The following BTNL8 variants were observed in gnomAD, a reference collection of about 807,000 sequenced individuals.
BTNL8 encodes butyrophilin like 8, also known as butyrophilin-like protein 8.
BTNL8 carries 22 observed loss-of-function variants against 36.1 expected under a neutral mutation model. The observed-to-expected ratio is 0.61, with a 90% CI of 0.44 to 0.87. The LOEUF is 0.87. Among genes scored for constraint, BTNL8 ranks in the 40% least tolerant of loss-of-function variants. The probability of loss-of-function intolerance (pLI) is 0.00; values close to 1 mark genes in which losing one functional copy is unlikely to be tolerated. For missense variants in BTNL8, 526 were observed against 616.9 expected (o/e 0.85, Z 1.56); for synonymous variants, 203 against 235.6 (o/e 0.86, Z 1.27).
chr5:180,933,764 G>A (rs1454011538), intron 3 of BTNL8, among the ~76,000 whole-genome samples: 1 of 151,956 alleles, frequency 6.6e-6, no homozygotes, highest in African/African-American at 2.4e-5. Flanking sequence ...CCAAAGAACA[G>A]AACAATAATA....
At chr5:180,937,073 C>T (rs1261378734) in intron 3 of BTNL8, among the ~76,000 whole-genome samples, 2 of 152,190 alleles carry the variant, frequency 1.3e-5, no homozygotes, top group East Asian at 3.8e-4. Flanking sequence ...ACGCAGCCCC[C>T]CAGGAGTCTC....
intron 3 of BTNL8, among the ~76,000 whole-genome samples, chr5:180,939,834 T>C (rs906268743): frequency 6.6e-6 from 1 of 152,238 alleles, no homozygotes; most frequent in Non-Finnish European, 1.5e-5. Context: ...ATACATTTTA[T>C]GTTAGGCCAC....
At position 180,943,657 on chromosome 5, in the gene BTNL8, T is replaced by C. The variant is rs569368149; in HGVS notation, c.674-3855T>C. ...CACCATTGGTGGGATTTTCAATTAG[T>C]GTGTTCATTATGGAAAACACTATGG... On this transcript the variant is annotated intron_variant, in intron 3 of 7. Transcript: ENST00000340184. 5.3e-5 allele frequency among the ~76,000 whole-genome samples: 8 copies of C among 152,334 alleles called. No homozygotes were observed. In the South Asian group the frequency reaches 1.7e-3, roughly 32 times the overall value.
intron 3 of BTNL8, among the ~76,000 whole-genome samples, chr5:180,916,586 A>T (rs1461463545): frequency 6.6e-6 from 1 of 152,168 alleles, no homozygotes; most frequent in Non-Finnish European, 1.5e-5. Flanking sequence ...AGATTAACCA[A>T]GAAAAAAAGA....
At chr5:180,911,269 A>T in intron 2 of BTNL8, 70 bp from the exon 3 acceptor site, 3 of 1,578,804 alleles carry the variant, frequency 1.9e-6, no homozygotes, top group Admixed American at 3.4e-5. Flanking sequence ...GACTGAATGC[A>T]CCTGACTCAG....
intron 3 of BTNL8, among the ~76,000 whole-genome samples, chr5:180,937,093 C>G (rs1486911503): frequency 6.6e-6 from 1 of 152,130 alleles, no homozygotes; most frequent in Non-Finnish European, 1.5e-5. Context: ...CAGGAACAGC[C>G]CATTTGGTGT....
chr5:180,925,291 T>C (rs181705856), intron 3 of BTNL8, among the ~76,000 whole-genome samples: 70 of 152,172 alleles, frequency 4.6e-4, no homozygotes, highest in Non-Finnish European at 9.1e-4. Context: ...AATATCCAGG[T>C]TCAGGAAGCT....
intron 3 of BTNL8, among the ~76,000 whole-genome samples, chr5:180,928,833 A>G (rs1401579133): frequency 6.6e-6 from 1 of 152,246 alleles, no homozygotes; most frequent in Non-Finnish European, 1.5e-5. Context: ...AGAGACCTAC[A>G]AAGAGACTTA....
intron 3 of BTNL8, among the ~76,000 whole-genome samples, chr5:180,922,534 G>T (rs185479869): frequency 7.1e-6 from 1 of 140,518 alleles, no homozygotes; most frequent in African/African-American, 2.9e-5. Flanking sequence ...ATCTGTAATC[G>T]TATTGAGCTG....
intron 4 of BTNL8, 151 bp downstream of exon 4, chr5:180,947,776 T>C (rs868291515): frequency 6.2e-7 from 1 of 1,608,504 alleles, no homozygotes; most frequent in Middle Eastern, 1.7e-4. Context: ...TTCTCTAGGG[T>C]ATTCTAACAT....
chr5:180,907,754 G>T (rs1238200274), intron 1 of BTNL8, among the ~76,000 whole-genome samples: 1 of 152,036 alleles, frequency 6.6e-6, no homozygotes, highest in Non-Finnish European at 1.5e-5. Flanking sequence ...ACCCTCAGCT[G>T]CAGGTCTGTT....
chr5:180,921,749 C>A (rs112307585), intron 3 of BTNL8, among the ~76,000 whole-genome samples: 1 of 151,208 alleles, frequency 6.6e-6, no homozygotes, highest in African/African-American at 2.4e-5. Flanking sequence ...GAGGAAACTA[C>A]GGGAGATGAT....
At chr5:180,929,772 C>A (rs1294506961) in intron 3 of BTNL8, among the ~76,000 whole-genome samples, 7 of 152,124 alleles carry the variant, frequency 4.6e-5, no homozygotes, top group Non-Finnish European at 1.0e-4. Context: ...AGGAAGAAGT[C>A]AAATCCCTGA....
intron 3 of BTNL8, among the ~76,000 whole-genome samples, chr5:180,939,620 C>G (rs1192401098): frequency 1.3e-5 from 2 of 152,112 alleles, no homozygotes; most frequent in African/African-American, 4.8e-5. Context: ...TAATGTCTAG[C>G]TGAACTGTCT....
chr5:180,901,566 G>A (rs927195984), intron 1 of BTNL8, among the ~76,000 whole-genome samples: 1 of 152,180 alleles, frequency 6.6e-6, no homozygotes, highest in South Asian at 2.1e-4. Flanking sequence ...TGTGTGACTG[G>A]CTCTGTGCTG....
In BTNL8 at chr5:180,941,986, G is replaced by A. The variant is rs533697958; in HGVS notation, c.674-5526G>A. 2.1e-4 allele frequency among the ~76,000 whole-genome samples: 31 copies of A among 150,344 alleles called. No individual in the cohort carries two copies. In the South Asian group the frequency reaches 6.3e-3, roughly 30 times the overall value. ...CAAAAAATAAATGGCATCTAAATTG[G>A]AAAGGAGAAAGTCTAATTGTCCCTG... On this transcript the variant is annotated intron_variant, in intron 3 of 7. Coordinates refer to ENST00000340184, the MANE Select transcript of BTNL8 (RefSeq NM_001040462.3).
At chr5:180,921,433 G>A (rs1004972912) in intron 3 of BTNL8, among the ~76,000 whole-genome samples, 2 of 151,960 alleles carry the variant, frequency 1.3e-5, no homozygotes, top group African/African-American at 4.8e-5. Flanking sequence ...ACTTATATGT[G>A]TAATCTAAAA....
chr5:180,948,408 C>T, intron 5 of BTNL8, 33 bp downstream of exon 5: 1 of 1,531,228 alleles, frequency 6.5e-7, no homozygotes, highest in Admixed American at 1.7e-5. Context: ...GCCTCCCACA[C>T]ATGGTTCTCC....
At chr5:180,900,640 G>A (rs1360694971) in intron 1 of BTNL8, among the ~76,000 whole-genome samples, 1 of 152,190 alleles carries the variant, frequency 6.6e-6, no homozygotes, top group Non-Finnish European at 1.5e-5. Flanking sequence ...CATACGCTGG[G>A]TCCCCAAACC....
Sources: allele counts gnomAD v4.1 joint callset (sites outside exome capture counted in the v4.1 genomes callset), GRCh38; gene constraint gnomAD v4.1.1; transcripts MANE v1.5; gene names NCBI Gene and HGNC (gene_info 2026-07-23, HGNC 2026-07-21).